SEC14L3: variants seen among roughly 807,000 people sequenced by gnomAD.
SEC14L3 encodes the protein SEC14-like protein 3.
In SEC14L3, 56 loss-of-function variants were observed where a neutral mutation model predicts 57.4. That is an observed-to-expected ratio of 0.97 (90% CI 0.79 to 1.22). The LOEUF is 1.22. Among genes scored for constraint, SEC14L3 ranks in the 50% most tolerant of loss-of-function variants. The probability of loss-of-function intolerance (pLI) is 0.00; values close to 1 mark genes in which losing one functional copy is unlikely to be tolerated. For synonymous variants in SEC14L3, 173 were observed against 194.4 expected (o/e 0.89, Z 0.92); for missense variants, 485 against 511.7 (o/e 0.95, Z 0.50).
At chr22:30,465,910 T>G (rs950888954) in intron 7 of SEC14L3, among the ~76,000 whole-genome samples, 1 of 152,130 alleles carries the variant, frequency 6.6e-6, no homozygotes, top group Non-Finnish European at 1.5e-5. Context: ...CCCAGGCCTG[T>G]GAGGGCTACA....
intron 12 of SEC14L3, among the ~76,000 whole-genome samples, chr22:30,450,765 TA>T (rs1455692506): frequency 6.6e-6 from 1 of 151,998 alleles, no homozygotes; most frequent in Non-Finnish European, 1.5e-5. Context: ...AGCTGGGTAA[TA>T]GGGGGAAATG....
chr22:30,464,688 C>T, intron 8 of SEC14L3, 132 bp downstream of exon 8: 1 of 812,914 alleles, frequency 1.2e-6, no homozygotes. Context: ...GCCTCAGCCT[C>T]CCAAAGTGCT....
At chr22:30,455,717 C>G (rs1418018895), downstream of SEC14L3, among the ~76,000 whole-genome samples, 2 of 151,868 alleles carry the variant, frequency 1.3e-5, no homozygotes, top group Non-Finnish European at 2.9e-5. Context: ...GTGTTGCCCA[C>G]CGGTGTCCCT....
intron 12 of SEC14L3, among the ~76,000 whole-genome samples, chr22:30,453,242 G>A (rs1487454370): frequency 6.6e-6 from 1 of 152,050 alleles, no homozygotes. Context: ...ATTCTATAAC[G>A]TGCTTCTACA....
rs1326656069 is a variant in SEC14L3, at chr22:30,459,534, C to T, written c.*487G>A. The T allele has an allele frequency of 5.1e-6, 5 of 986,170 alleles. No individual in the cohort carries two copies. Among genetic ancestry groups the T allele is most frequent in the Non-Finnish European group, 6.0e-6 (5 of 830,460 alleles). The allele number at this position is 986,170 out of a possible 1,614,324, so 61.1% of individuals were successfully genotyped here. ...TGCTGAAATCCACCCCACATAGGCT[C>T]CTCCTAATCATGTACAGCTGTTGAG... On this transcript the variant is annotated 3_prime_UTR_variant, in exon 12 of 12. Coordinates refer to ENST00000215812, the MANE Select transcript of SEC14L3 (RefSeq NM_174975.5).
chr22:30,464,952 C>A (rs1757678448), intron 7 of SEC14L3, 49 bp from the exon 8 acceptor site: 2 of 1,611,944 alleles, frequency 1.2e-6, no homozygotes, highest in Middle Eastern at 1.7e-4. Context: ...TTACATTGGG[C>A]AACCCCCTCC....
downstream of SEC14L3, among the ~76,000 whole-genome samples, chr22:30,458,710 A>G (rs1385616441): frequency 6.6e-6 from 1 of 152,184 alleles, no homozygotes; most frequent in Non-Finnish European, 1.5e-5. Flanking sequence ...ATGTCATTGG[A>G]GTAAACAAAG....
Position 30,468,381 on chromosome 22 carries a change from A to C in SEC14L3, c.423+127T>G, listed in dbSNP as rs1935489946. On this transcript the variant is annotated intron_variant, in intron 5 of 11. Coordinates refer to ENST00000215812, the MANE Select transcript of SEC14L3 (RefSeq NM_174975.5). ...CAAGGCCACACAGCTGGTAAGCAAC[A>C]GAGCTGGTGTTTGACCCCAGAGCCC... is the stretch of plus-strand genomic sequence containing the variant. The C allele has an allele frequency of 6.3e-6, 4 of 635,610 alleles. No individual in the cohort carries two copies. The South Asian group carries it at 8.4e-5, about 13-fold the overall frequency. 39.4% of individuals were successfully genotyped at this position (635,610 alleles called of 1,614,324 possible). A position where few individuals can be genotyped will look rare whatever the true frequency, so the allele number is the denominator to read the frequency against.
At chr22:30,462,952 G>A (rs913205132) in intron 8 of SEC14L3, among the ~76,000 whole-genome samples, 1 of 151,326 alleles carries the variant, frequency 6.6e-6, no homozygotes, top group African/African-American at 2.4e-5. Context: ...GGCCAGGATG[G>A]TCTTGAACTC....
In SEC14L3 at chr22:30,471,157, T is replaced by C. The variant is rs979035705; in HGVS notation, c.55-575A>G. The C allele has an allele frequency of 3.9e-5, 14 of 363,020 alleles. No individual in the cohort carries two copies. In the Admixed American group the frequency reaches 4.7e-4, roughly 12 times the overall value. 22.5% of individuals were successfully genotyped at this position (363,020 alleles called of 1,614,324 possible). A position where few individuals can be genotyped will look rare whatever the true frequency, so the allele number is the denominator to read the frequency against. ...AAAATTAGCCAGGTGTGGTGGCACATGCCTGTAATCCCAGCTACTCAGGAG... is the reference window on the plus strand; with the variant it reads ...AAAATTAGCCAGGTGTGGTGGCACACGCCTGTAATCCCAGCTACTCAGGAG... On this transcript the variant is annotated intron_variant, in intron 1 of 11. Transcript: ENST00000215812.
Position 30,464,829 on chromosome 22 carries a change from C to T in SEC14L3, c.655G>A (p.Val219Met). Residue 219 changes from valine (V) to methionine (M), a missense_variant, in exon 8 of 12, where the codon GTG (valine) becomes ATG (methionine). Physicochemically the swap from Val to Met is conservative, Grantham distance 21. Coordinates refer to ENST00000215812, the MANE Select transcript of SEC14L3 (RefSeq NM_174975.5). ...AGCTGGCACTACTTACTTCCCAACA[C>T]AATAATTTTCCTGCGAGTGTCCTCA... is the stretch of plus-strand genomic sequence containing the variant. Reference protein sequence around the residue: ...LSEDTRRKIIVLGNNWKEGLL... With the variant: ...LSEDTRRKIIMLGNNWKEGLL... 1.2e-6 allele frequency: 2 copies of T among 1,613,806 alleles called. No homozygotes were observed. The highest frequency in any genetic ancestry group is 1.1e-5 in the South Asian group (1 of 91,070).
intron 12 of SEC14L3, among the ~76,000 whole-genome samples, chr22:30,452,962 C>T (rs545666125): frequency 3.9e-4 from 59 of 152,232 alleles, no homozygotes; most frequent in African/African-American, 1.3e-3. Flanking sequence ...AAGCAATCAG[C>T]CCACCTCGGC....
At chr22:30,466,957 G>T in intron 6 of SEC14L3, 25 bp downstream of exon 6, 4 of 1,599,948 alleles carry the variant, frequency 2.5e-6, no homozygotes, top group South Asian at 1.1e-5. Context: ...AGCAAGCGGG[G>T]GGTGGCCCTA....
rs761463672 is a variant in SEC14L3 at position 30,461,484 on chromosome 22, CA to C, written c.912-6del. 3.7e-6 allele frequency: 6 copies of C among 1,613,082 alleles called. No homozygotes were observed. The highest frequency in any genetic ancestry group is 4.2e-6 in the Non-Finnish European group (5 of 1,179,402). The stretch of plus-strand genomic sequence containing the variant: ...CCATCAGATGAGAACTGCCACCTGT[CA>C]GGGGGAGGGGGAGGAGACAGGTTGC... On this transcript the variant is annotated splice_region_variant and splice_polypyrimidine_tract_variant and intron_variant, in intron 10 of 11. Transcript: ENST00000215812.
chr22:30,455,416 T>C (rs1935104322), downstream of SEC14L3, among the ~76,000 whole-genome samples: 1 of 150,618 alleles, frequency 6.6e-6, no homozygotes, highest in Non-Finnish European at 1.5e-5. Context: ...GCCCAGCTAA[T>C]TTTTATATTT....
chr22:30,454,830 TATATAATA>T (rs1379535860), downstream of SEC14L3, among the ~76,000 whole-genome samples: 67 of 33,942 alleles, frequency 2.0e-3, no homozygotes, highest in Non-Finnish European at 2.3e-3. Context: ...TATAATATAA[TATATAATA>T]ATATATAATA....
intron 12 of SEC14L3, chr22:30,449,389 A>G (rs1934936320): frequency 8.2e-7 from 1 of 1,221,692 alleles, no homozygotes; most frequent in Non-Finnish European, 1.1e-6. Flanking sequence ...TAATAGAATG[A>G]CATTATACAA....
chr22:30,454,135 G>A (rs149145062), intron 12 of SEC14L3, among the ~76,000 whole-genome samples: 26 of 152,146 alleles, frequency 1.7e-4, no homozygotes, highest in African/African-American at 6.0e-4. Context: ...GCAGTCCTGG[G>A]GTGCTCTTGG....
downstream of SEC14L3, among the ~76,000 whole-genome samples, chr22:30,458,063 G>A (rs1000370524): frequency 1.3e-5 from 2 of 152,226 alleles, no homozygotes; most frequent in Admixed American, 6.5e-5. Context: ...CCACGGATGA[G>A]CTCAGCCCTC....
Sources: allele counts gnomAD v4.1 joint callset (sites outside exome capture counted in the v4.1 genomes callset), GRCh38; gene constraint gnomAD v4.1.1; transcripts MANE v1.5; gene names NCBI Gene and HGNC (gene_info 2026-07-23, HGNC 2026-07-21).